Variants in GLIS3 observed in about 807,000 individuals in gnomAD.
The protein encoded by GLIS3 is GLIS family zinc finger 3.
Under a neutral mutation model 78.6 loss-of-function variants are expected in GLIS3, and 53 were observed. The ratio of observed to expected loss-of-function variants is 0.67; its 90% CI spans 0.54 to 0.85. The LOEUF (loss-of-function observed/expected upper bound fraction) is 0.85. GLIS3 is among the 40% of genes least tolerant of loss of function. GLIS3 has a pLI of 0.00. For synonymous variants in GLIS3, 684 were observed against 509.9 expected (o/e 1.34, Z -4.60); for missense variants, 1,703 against 1,231.1 (o/e 1.38, Z -5.74).
the GLIS3 span, among the ~76,000 whole-genome samples, chr9:4,478,054 T>A: frequency 6.6e-6 from 1 of 152,160 alleles, no homozygotes; most frequent in Admixed American, 6.5e-5. Context: ...AACCGGAACC[T>A]GAACGCTTTA....
At chr9:4,428,216 T>C in the GLIS3 span, among the ~76,000 whole-genome samples, 4 of 151,922 alleles carry the variant, frequency 2.6e-5, no homozygotes, top group East Asian at 1.9e-4. Flanking sequence ...TGGTGGATCA[T>C]GCCTGTAATC....
chr9:3,924,671 A>G (rs1255920489), intron 6 of GLIS3, among the ~76,000 whole-genome samples: 1 of 152,226 alleles, frequency 6.6e-6, no homozygotes, highest in Non-Finnish European at 1.5e-5. Flanking sequence ...TGAAAAGGAA[A>G]GACAAGAGAG....
chr9:3,895,922 A>G (rs749864225), intron 7 of GLIS3, among the ~76,000 whole-genome samples: 4 of 152,202 alleles, frequency 2.6e-5, no homozygotes, highest in Non-Finnish European at 5.9e-5. Flanking sequence ...TTTTGTGATA[A>G]ATTAATTTAC....
chr9:4,253,005 C>T (rs959678449), intron 2 of GLIS3, among the ~76,000 whole-genome samples: 3 of 152,344 alleles, frequency 2.0e-5, no homozygotes, highest in East Asian at 1.9e-4. Context: ...AGGGGGGCAC[C>T]TGCCAGATGC....
intron 4 of GLIS3, among the ~76,000 whole-genome samples, chr9:4,069,106 T>C (rs1401204048): frequency 6.6e-6 from 1 of 152,186 alleles, no homozygotes; most frequent in Non-Finnish European, 1.5e-5. Flanking sequence ...TTATGAAGCC[T>C]TGAGGGCCTT....
chr9:3,863,335 T>G (rs1319742210), intron 8 of GLIS3, among the ~76,000 whole-genome samples: 1 of 152,204 alleles, frequency 6.6e-6, no homozygotes, highest in Non-Finnish European at 1.5e-5. Flanking sequence ...CTGGGGGAAC[T>G]GCAAATTGAA....
At chr9:4,450,783 C>T in the GLIS3 span, among the ~76,000 whole-genome samples, 1 of 152,166 alleles carries the variant, frequency 6.6e-6, no homozygotes, top group Non-Finnish European at 1.5e-5. Flanking sequence ...AAATCCTTTA[C>T]AGACAAGCAA....
intron 2 of GLIS3, among the ~76,000 whole-genome samples, chr9:4,127,812 TCA>T (rs1272206777): frequency 6.6e-6 from 1 of 152,222 alleles, no homozygotes; most frequent in Non-Finnish European, 1.5e-5. Context: ...TCTAAGGAAC[TCA>T]GTCATTCCAT....
At chr9:4,371,582 C>A in the GLIS3 span, among the ~76,000 whole-genome samples, 1 of 152,192 alleles carries the variant, frequency 6.6e-6, no homozygotes, top group Non-Finnish European at 1.5e-5. Flanking sequence ...AACCCCCAGC[C>A]TGTGCCCCTC....
At chr9:4,387,360 T>G in the GLIS3 span, among the ~76,000 whole-genome samples, 4 of 152,192 alleles carry the variant, frequency 2.6e-5, no homozygotes, top group Admixed American at 1.3e-4. Flanking sequence ...GACCAAAACT[T>G]ACGGCCTTAG....
intron 2 of GLIS3, among the ~76,000 whole-genome samples, chr9:4,254,264 G>C (rs898778245): frequency 1.3e-5 from 2 of 152,150 alleles, no homozygotes; most frequent in African/African-American, 4.8e-5. Flanking sequence ...TGAGAATAAA[G>C]AGTCCATTCA....
intron 2 of GLIS3, among the ~76,000 whole-genome samples, chr9:4,189,992 C>T (rs1371320629): frequency 6.6e-6 from 1 of 152,062 alleles, no homozygotes; most frequent in Non-Finnish European, 1.5e-5. Flanking sequence ...AGAAGGAAAA[C>T]CAACAAACAG....
chr9:4,363,453 C>T, the GLIS3 span, among the ~76,000 whole-genome samples: 1 of 152,030 alleles, frequency 6.6e-6, no homozygotes, highest in Admixed American at 6.6e-5. Context: ...GTTTTAACAC[C>T]AAAAATCTGG....
chr9:3,856,038 G>T lies in GLIS3; in HGVS notation c.2444C>A (p.Ser815Tyr). 1 of 1,614,184 alleles carries T rather than the reference G, an allele frequency of 6.2e-7. No individual in the cohort carries two copies. Among genetic ancestry groups the T allele is most frequent in the Admixed American group, 1.7e-5 (1 of 60,028 alleles). Residue 815 changes from serine to tyrosine, a missense_variant, in exon 9 of 11, where the codon TCT (serine) becomes TAT (tyrosine). Transcript: ENST00000381971. ...LKSYQPETNSSFQPNGIHVHG... is the reference protein window; with the variant it reads ...LKSYQPETNSYFQPNGIHVHG... ...GACATGGATACCATTTGGTTGAAAA[G>T]AAGAGTTTGTTTCTGGCTGATAGGA...
chr9:4,375,262 A>G, the GLIS3 span, among the ~76,000 whole-genome samples: 1 of 152,244 alleles, frequency 6.6e-6, no homozygotes, highest in African/African-American at 2.4e-5. Context: ...CAGAATGACA[A>G]ATATCTCCTT....
intron 6 of GLIS3, among the ~76,000 whole-genome samples, chr9:3,919,367 T>C (rs111448618): frequency 2.6e-5 from 4 of 152,184 alleles, no homozygotes; most frequent in Non-Finnish European, 2.9e-5. Context: ...TCTCTGAACC[T>C]GAGGTCTTTC....
At chr9:4,186,944 T>G (rs1817856411) in intron 2 of GLIS3, among the ~76,000 whole-genome samples, 4 of 152,190 alleles carry the variant, frequency 2.6e-5, no homozygotes, top group Admixed American at 2.6e-4. Context: ...ATTCTGTAGG[T>G]TGCCTGTTCA....
chr9:3,854,188 G>A (rs527917074), intron 9 of GLIS3, among the ~76,000 whole-genome samples: 1 of 152,302 alleles, frequency 6.6e-6, no homozygotes, highest in African/African-American at 2.4e-5. Context: ...GGACTGGCAG[G>A]CCCTCCTCAG....
the GLIS3 span, among the ~76,000 whole-genome samples, chr9:4,416,252 T>TTTTA: frequency 0.17 from 12,638 of 75,842 alleles, 1,141 homozygotes; most frequent in Middle Eastern, 0.21. Context: ...ACACTGTTTT[T>TTTTA]AAAAAAAAAA....
Sources: allele counts gnomAD v4.1 joint callset (sites outside exome capture counted in the v4.1 genomes callset), GRCh38; gene constraint gnomAD v4.1.1; transcripts MANE v1.5; gene names NCBI Gene and HGNC (gene_info 2026-07-23, HGNC 2026-07-21).